Variants in PDE10A observed in about 807,000 individuals in gnomAD.
The protein encoded by PDE10A is cAMP and cAMP-inhibited cGMP 3',5'-cyclic phosphodiesterase 10A.
Under a neutral mutation model 97.7 loss-of-function variants are expected in PDE10A, and 39 were observed. The observed-to-expected ratio is 0.40, with a 90% CI of 0.31 to 0.52. The LOEUF is 0.52. Among genes scored for constraint, PDE10A ranks in the 20% least tolerant of loss-of-function variants. PDE10A has a pLI of 0.56. For missense variants in PDE10A, 731 were observed against 1,047.8 expected (o/e 0.70, Z 4.17); for synonymous variants, 371 against 376.8 (o/e 0.98, Z 0.18).
At chr6:165,504,344 T>C (rs1406028374) in intron 2 of PDE10A, among the ~76,000 whole-genome samples, 1 of 149,834 alleles carries the variant, frequency 6.7e-6, no homozygotes, top group Admixed American at 6.6e-5. Flanking sequence ...ATAAAAAAAT[T>C]AAACCGTGAT....
rs114905241 is a variant in PDE10A, at chr6:165,701,722, C to T, written c.-614-158154G>A. 9.3e-3 allele frequency among the ~76,000 whole-genome samples: 1,386 copies of T among 149,680 alleles called. 21 individuals are homozygous for T. The highest frequency in any genetic ancestry group is 0.033 in the African/African-American group (1,331 of 40,636). On this transcript the variant is annotated intron_variant, in intron 1 of 19. Transcript: ENST00000366882. ...TTGCATGTGTGCATGTGTGTGTTTG[C>T]GCGTGTGTGCATGTGTGTGTGCATG...
intron 1 of PDE10A, among the ~76,000 whole-genome samples, chr6:165,728,823 G>T (rs944843725): frequency 6.6e-6 from 1 of 152,054 alleles, no homozygotes; most frequent in African/African-American, 2.4e-5. Context: ...TTGTCTTTGG[G>T]GCTTGAGATG....
intron 1 of PDE10A, among the ~76,000 whole-genome samples, chr6:165,747,274 T>C (rs1792864379): frequency 6.6e-6 from 1 of 152,220 alleles, no homozygotes; most frequent in Admixed American, 6.5e-5. Flanking sequence ...ATGAATATGA[T>C]TTTTAAGTGG....
chr6:165,401,866 C>T (rs531180950), intron 13 of PDE10A, among the ~76,000 whole-genome samples: 165 of 152,324 alleles, frequency 1.1e-3, no homozygotes, highest in African/African-American at 3.7e-3. Flanking sequence ...CAAGTTTTCA[C>T]ATTGTCCTCA....
intron 2 of PDE10A, among the ~76,000 whole-genome samples, chr6:165,494,537 T>TA (rs1491376058): frequency 3.4e-5 from 5 of 145,334 alleles, no homozygotes; most frequent in African/African-American, 1.0e-4. Flanking sequence ...TATATATATA[T>TA]TTATTTATTT....
At chr6:165,345,909 C>T (rs985009057) in intron 18 of PDE10A, among the ~76,000 whole-genome samples, 26 of 152,200 alleles carry the variant, frequency 1.7e-4, no homozygotes, top group African/African-American at 6.0e-4. Context: ...GAGGCTACCA[C>T]GTGAAGATCT....
intron 1 of PDE10A, among the ~76,000 whole-genome samples, chr6:165,904,794 TACTC>T (rs1255357919): frequency 6.6e-6 from 1 of 152,238 alleles, no homozygotes; most frequent in Non-Finnish European, 1.5e-5. Flanking sequence ...CATGGAATCT[TACTC>T]AGAAAGATTC....
intron 1 of PDE10A, among the ~76,000 whole-genome samples, chr6:165,952,018 C>T (rs566120031): frequency 2.0e-4 from 31 of 152,376 alleles, no homozygotes; most frequent in African/African-American, 7.2e-4. Flanking sequence ...ACATGTGCAT[C>T]TCATTCTCGC....
chr6:165,709,217 C>G (rs917374359), intron 1 of PDE10A, among the ~76,000 whole-genome samples: 5 of 138,120 alleles, frequency 3.6e-5, no homozygotes, highest in African/African-American at 1.1e-4. Context: ...GCTCTGCCCC[C>G]ACCCTCTACC....
At chr6:165,364,684 TTTAACAA>T (rs1245434605) in intron 18 of PDE10A, among the ~76,000 whole-genome samples, 1 of 152,222 alleles carries the variant, frequency 6.6e-6, no homozygotes, top group Non-Finnish European at 1.5e-5. Context: ...ATAAAGTTGC[TTTAACAA>T]TCATCTTTTC....
intron 1 of PDE10A, among the ~76,000 whole-genome samples, chr6:165,945,704 A>G (rs1461893418): frequency 2.6e-5 from 4 of 152,248 alleles, no homozygotes; most frequent in Non-Finnish European, 4.4e-5. Context: ...CAGGACTCTG[A>G]GAAATAGATT....
chr6:165,463,168 T>A (rs1026178151), intron 3 of PDE10A, among the ~76,000 whole-genome samples: 3 of 152,066 alleles, frequency 2.0e-5, no homozygotes, highest in Non-Finnish European at 4.4e-5. Flanking sequence ...AACAAAACAG[T>A]CAGACGGTAG....
At chr6:165,615,118 G>A (rs897940087) in intron 1 of PDE10A, among the ~76,000 whole-genome samples, 2 of 151,284 alleles carry the variant, frequency 1.3e-5, no homozygotes, top group Non-Finnish European at 2.9e-5. Context: ...GCTGAGGCAG[G>A]AGAATTGCTT....
intron 1 of PDE10A, among the ~76,000 whole-genome samples, chr6:165,824,581 T>C (rs1779670348): frequency 6.6e-6 from 1 of 152,172 alleles, no homozygotes; most frequent in South Asian, 2.1e-4. Context: ...TTTATTTCAA[T>C]TTTCACCTTG....
chr6:165,451,485 G>A (rs575266495), intron 3 of PDE10A, among the ~76,000 whole-genome samples: 1 of 152,122 alleles, frequency 6.6e-6, no homozygotes, highest in Non-Finnish European at 1.5e-5. Context: ...AAACAAAAAC[G>A]CCTCGCACAG....
At chr6:165,942,270 A>T (rs75124846) in intron 1 of PDE10A, among the ~76,000 whole-genome samples, 6,574 of 150,042 alleles carry the variant, frequency 0.044, 202 homozygotes, top group Non-Finnish European at 0.062. Context: ...TTATGATTTT[A>T]TATATGTATG....
In PDE10A at chr6:165,691,104, TCTCC is replaced by T. The variant is rs1562686910; in HGVS notation, c.-614-147540_-614-147537del. On this transcript the variant is annotated intron_variant, in intron 1 of 19. Coordinates refer to the PDE10A transcript ENST00000366882. ...CTCTCTCTCTCTCTCTCTCTTTCTC[TCTCC>T]CCCCCCCCATCAGTGCCTGTGGTCA... Among the ~76,000 whole-genome samples, 143 of 30,060 alleles carry T rather than the reference TCTCC, an allele frequency of 4.8e-3. 13 individuals carry two copies. Among genetic ancestry groups the T allele is most frequent in the South Asian group, 0.022 (19 of 870 alleles). 19.7% of individuals were successfully genotyped at this position (30,060 alleles called of 152,430 possible).
chr6:165,904,419 C>T (rs1782207881), intron 1 of PDE10A, among the ~76,000 whole-genome samples: 1 of 151,998 alleles, frequency 6.6e-6, no homozygotes, highest in South Asian at 2.1e-4. Flanking sequence ...AGGTCATTGG[C>T]CAAGAGTAAA....
intron 18 of PDE10A, among the ~76,000 whole-genome samples, chr6:165,364,689 CA>C (rs987490396): frequency 3.5e-4 from 53 of 152,098 alleles, no homozygotes; most frequent in African/African-American, 1.3e-3. Flanking sequence ...GTTGCTTTAA[CA>C]ATCATCTTTT....
Sources: gnomAD v4.1 joint callset for allele counts (sites outside exome capture counted in the v4.1 genomes callset) on GRCh38, gnomAD v4.1.1 for gene constraint, MANE v1.5 for transcripts, NCBI Gene and HGNC (gene_info 2026-07-23, HGNC 2026-07-21) for gene names.